The following KCNH1 variants were observed in gnomAD, a reference collection of about 807,000 sequenced individuals.
The protein encoded by KCNH1 is potassium voltage-gated channel subfamily H member 1, also known as voltage-gated delayed rectifier potassium channel KCNH1.
Under a neutral mutation model 69.2 loss-of-function variants are expected in KCNH1, and 27 were observed. That is an observed-to-expected ratio of 0.39 (90% CI 0.29 to 0.54). KCNH1 has a LOEUF of 0.54. KCNH1 is among the 20% of genes least tolerant of loss of function. The pLI is 0.68. For missense variants in KCNH1, 798 were observed against 1,261.6 expected (o/e 0.63, Z 5.57); for synonymous variants, 456 against 487.7 (o/e 0.93, Z 0.86).
intron 7 of KCNH1, among the ~76,000 whole-genome samples, chr1:210,807,799 A>G (rs967734953): frequency 6.6e-6 from 1 of 152,148 alleles, no homozygotes; most frequent in African/African-American, 2.4e-5. Context: ...TACCACAACC[A>G]TTTCTTCCAA....
At chr1:211,070,445 A>G (rs1313740462) in intron 5 of KCNH1, among the ~76,000 whole-genome samples, 1 of 151,038 alleles carries the variant, frequency 6.6e-6, no homozygotes, top group Non-Finnish European at 1.5e-5. Flanking sequence ...ACACACACAC[A>G]CACACACACA....
chr1:210,709,714 AAAGAAAGAAG>A (rs1323289477), intron 10 of KCNH1, among the ~76,000 whole-genome samples: 228 of 139,658 alleles, frequency 1.6e-3, no homozygotes, highest in African/African-American at 5.8e-3. Context: ...AAAGAGAAAG[AAAGAAAGAAG>A]AGAGAGAGAG....
At chr1:210,955,954 TGA>T (rs1489792589) in intron 6 of KCNH1, among the ~76,000 whole-genome samples, 11 of 152,276 alleles carry the variant, frequency 7.2e-5, no homozygotes, top group Middle Eastern at 3.4e-3. Flanking sequence ...ATAGGAGTGG[TGA>T]GAGAGGGCAT....
intron 9 of KCNH1, among the ~76,000 whole-genome samples, chr1:210,786,042 G>A (rs1168103779): frequency 2.0e-5 from 3 of 152,070 alleles, no homozygotes; most frequent in Non-Finnish European, 2.9e-5. Context: ...TTTCTCTCTT[G>A]GTTCAGAACT....
intron 5 of KCNH1, among the ~76,000 whole-genome samples, chr1:211,023,720 A>C (rs1260515600): frequency 6.6e-6 from 1 of 152,106 alleles, no homozygotes; most frequent in East Asian, 1.9e-4. Context: ...TAGAGTAAAA[A>C]AACAGGTAAG....
chr1:210,760,692 G>A (rs1421723474), intron 10 of KCNH1, among the ~76,000 whole-genome samples: 1 of 152,194 alleles, frequency 6.6e-6, no homozygotes, highest in Non-Finnish European at 1.5e-5. Context: ...AAAAGCCAAG[G>A]AGACACAAGT....
chr1:210,886,246 G>A (rs1686603189), intron 7 of KCNH1, among the ~76,000 whole-genome samples: 1 of 152,140 alleles, frequency 6.6e-6, no homozygotes, highest in South Asian at 2.1e-4. Context: ...TGATACCCAG[G>A]CAAACAGGGT....
chr1:210,947,721 T>C (rs925073556), intron 6 of KCNH1, among the ~76,000 whole-genome samples: 2 of 152,216 alleles, frequency 1.3e-5, no homozygotes, highest in Non-Finnish European at 2.9e-5. Flanking sequence ...GAAGAATTGT[T>C]AATTAAAAAT....
At chr1:210,998,083 G>A (rs533814438) in intron 6 of KCNH1, among the ~76,000 whole-genome samples, 1 of 152,280 alleles carries the variant, frequency 6.6e-6, no homozygotes, top group Non-Finnish European at 1.5e-5. Context: ...GACTGTCAAG[G>A]CTAGGAAGAA....
intron 6 of KCNH1, among the ~76,000 whole-genome samples, chr1:210,960,735 T>C (rs535532153): frequency 1.3e-5 from 2 of 152,322 alleles, no homozygotes; most frequent in South Asian, 4.1e-4. Context: ...CAAGTCTTTA[T>C]ATAGTCACAT....
intron 10 of KCNH1, among the ~76,000 whole-genome samples, chr1:210,696,826 C>T (rs1015207183): frequency 3.9e-5 from 6 of 152,188 alleles, no homozygotes; most frequent in Admixed American, 2.0e-4. Context: ...GCATAGAGGC[C>T]TGTGCAAGGA....
chr1:210,749,939 C>T (rs1350382632), intron 10 of KCNH1, among the ~76,000 whole-genome samples: 2 of 152,112 alleles, frequency 1.3e-5, no homozygotes, highest in Non-Finnish European at 2.9e-5. Flanking sequence ...GATGGGGTTT[C>T]ATCATGCTGG....
In KCNH1 at chr1:210,718,649, T is replaced by TAC. The variant is rs1474640015; in HGVS notation, c.2113-34512_2113-34511insGT. ...GTATAAATATATATATACATATATA[T>TAC]ATACACACACACACACACACACACA... On this transcript the variant is annotated intron_variant, in intron 10 of 10. Transcript: ENST00000271751. 2.4e-3 allele frequency among the ~76,000 whole-genome samples: 177 copies of TAC among 72,326 alleles called. 18 individuals are homozygous for TAC. The Middle Eastern group carries it at 0.028, about 11-fold the overall frequency. The allele number at this position is 72,326 out of a possible 152,430, so 47.4% of individuals were successfully genotyped here.
intron 6 of KCNH1, among the ~76,000 whole-genome samples, chr1:210,971,753 T>C (rs1688515782): frequency 6.6e-6 from 1 of 152,188 alleles, no homozygotes; most frequent in Non-Finnish European, 1.5e-5. Context: ...TCAATATTTG[T>C]ACATTTTTAT....
At chr1:210,770,474 C>T (rs1683733017) in intron 10 of KCNH1, among the ~76,000 whole-genome samples, 1 of 152,366 alleles carries the variant, frequency 6.6e-6, no homozygotes, top group East Asian at 1.9e-4. Context: ...CCCAAAGGCA[C>T]ATAGCTGGTC....
intron 10 of KCNH1, among the ~76,000 whole-genome samples, chr1:210,696,853 T>C (rs1681653006): frequency 6.6e-6 from 1 of 152,208 alleles, no homozygotes; most frequent in Non-Finnish European, 1.5e-5. Flanking sequence ...CAGAGTTTTA[T>C]CCAAGTCTAT....
At chr1:210,793,922 A>C (rs1684257981) in intron 9 of KCNH1, among the ~76,000 whole-genome samples, 1 of 152,160 alleles carries the variant, frequency 6.6e-6, no homozygotes, top group Non-Finnish European at 1.5e-5. Flanking sequence ...AGCCCCCTCC[A>C]CTTACAGGAG....
intron 6 of KCNH1, among the ~76,000 whole-genome samples, chr1:210,922,929 C>T (rs1687496031): frequency 6.6e-6 from 1 of 152,218 alleles, no homozygotes; most frequent in South Asian, 2.1e-4. Flanking sequence ...ATCTTTCAAA[C>T]AGTTCTACTC....
chr1:210,748,002 C>T lies in KCNH1; in HGVS notation c.2112+27346G>A, dbSNP rs533884546. On this transcript the variant is annotated intron_variant, in intron 10 of 10. Transcript: ENST00000271751. ...AAGACAGTCAGTACATGCCAATGCA[C>T]GTGTGTGTGTTCAGGCACAATGGCA... Among the ~76,000 whole-genome samples, 12 of 152,302 alleles carry T rather than the reference C, an allele frequency of 7.9e-5. No individual in the cohort carries two copies. In the East Asian group the frequency reaches 2.1e-3, roughly 27 times the overall value.
Sources: allele counts gnomAD v4.1 joint callset (sites outside exome capture counted in the v4.1 genomes callset), GRCh38; gene constraint gnomAD v4.1.1; transcripts MANE v1.5; gene names NCBI Gene and HGNC (gene_info 2026-07-23, HGNC 2026-07-21).